VGLL4: variants seen among roughly 807,000 people sequenced by gnomAD.
VGLL4 encodes the protein transcription cofactor vestigial-like protein 4.
VGLL4 carries 7 observed loss-of-function variants against 21.0 expected under a neutral mutation model. The ratio of observed to expected loss-of-function variants is 0.33; its 90% CI spans 0.19 to 0.63. The LOEUF (loss-of-function observed/expected upper bound fraction) is 0.63, where lower values mean the gene tolerates loss of function less well. Ranked by LOEUF, VGLL4 falls within the 20% of genes least tolerant of loss-of-function variation. The pLI is 0.78. For missense variants in VGLL4, 394 were observed against 425.7 expected (o/e 0.93, Z 0.66); for synonymous variants, 222 against 173.2 (o/e 1.28, Z -2.21).
intron 2 of VGLL4, chr3:11,671,402 C>T (rs2076213992): frequency 1.2e-6 from 1 of 842,022 alleles, no homozygotes; most frequent in Non-Finnish European, 2.0e-6. Context: ...ACGCTGTGGG[C>T]CACATGTAAG....
At chr3:11,602,248 T>C (rs888336220) in intron 1 of VGLL4, among the ~76,000 whole-genome samples, 4 of 152,172 alleles carry the variant, frequency 2.6e-5, no homozygotes, top group African/African-American at 7.2e-5. Flanking sequence ...AGTCACTCTT[T>C]AGGGTAGAGT....
intron 1 of VGLL4, chr3:11,626,256 T>C: frequency 2.4e-6 from 1 of 423,214 alleles, no homozygotes. Context: ...CTGAATCAAA[T>C]ACGGAAAGGA....
At chr3:11,704,265 C>T (rs1319304235) in intron 1 of VGLL4, among the ~76,000 whole-genome samples, 1 of 151,274 alleles carries the variant, frequency 6.6e-6, no homozygotes, top group East Asian at 1.9e-4. Flanking sequence ...TGCTTGTAAT[C>T]CCAGCTACTC....
intron 3 of VGLL4, among the ~76,000 whole-genome samples, chr3:11,561,728 T>TA (rs2073024508): frequency 6.6e-6 from 1 of 151,966 alleles, no homozygotes; most frequent in Admixed American, 6.5e-5. Context: ...TGTTGGAAGT[T>TA]ACGCTGCGGA....
At chr3:11,659,997 T>C (rs941279632) in intron 2 of VGLL4, among the ~76,000 whole-genome samples, 1 of 151,894 alleles carries the variant, frequency 6.6e-6, no homozygotes, top group African/African-American at 2.4e-5. Flanking sequence ...CTGTCTCTAC[T>C]AAAAAATATA....
intron 2 of VGLL4, among the ~76,000 whole-genome samples, chr3:11,679,280 C>A (rs2076337683): frequency 6.6e-6 from 1 of 151,854 alleles, no homozygotes; most frequent in African/African-American, 2.4e-5. Flanking sequence ...AGGTGCAAGA[C>A]AGTGATATTG....
chr3:11,659,326 C>CTTTTTTTTTTTTTTTTT (rs5846714), intron 2 of VGLL4, among the ~76,000 whole-genome samples: 7 of 70,820 alleles, frequency 9.9e-5, no homozygotes, highest in African/African-American at 1.1e-4. Flanking sequence ...TTTTCTTTTT[C>CTTTTTTTTTTTTTTTTT]TTTTTTTTTT....
chr3:11,711,144 C>A (rs902059412), intron 1 of VGLL4, among the ~76,000 whole-genome samples: 4 of 151,962 alleles, frequency 2.6e-5, no homozygotes, highest in Non-Finnish European at 5.9e-5. Context: ...ATGGCTCATG[C>A]CTGTAATTCC....
chr3:11,707,619 G>A (rs1474703424), intron 1 of VGLL4, among the ~76,000 whole-genome samples: 1 of 152,072 alleles, frequency 6.6e-6, no homozygotes, highest in African/African-American at 2.4e-5. Context: ...AGAGGCCAAG[G>A]CAGGAGGATC....
At chr3:11,611,137 G>C (rs1277749242) in intron 1 of VGLL4, among the ~76,000 whole-genome samples, 1 of 151,954 alleles carries the variant, frequency 6.6e-6, no homozygotes, top group East Asian at 1.9e-4. Flanking sequence ...GAGAAGAGAG[G>C]GGGAGGGGGC....
intron 1 of VGLL4, among the ~76,000 whole-genome samples, chr3:11,627,836 T>C (rs2075387796): frequency 6.6e-6 from 1 of 152,102 alleles, no homozygotes; most frequent in African/African-American, 2.4e-5. Flanking sequence ...TATAAACATA[T>C]CACACATTGA....
chr3:11,627,086 T>C (rs1409186137), intron 1 of VGLL4, among the ~76,000 whole-genome samples: 1 of 152,018 alleles, frequency 6.6e-6, no homozygotes, highest in Non-Finnish European at 1.5e-5. Flanking sequence ...TAAAAGACAC[T>C]TGCAAACTCC....
At chr3:11,574,783 A>ATATG (rs1553723601) in intron 2 of VGLL4, among the ~76,000 whole-genome samples, 5 of 111,782 alleles carry the variant, frequency 4.5e-5, no homozygotes, top group African/African-American at 1.6e-4. Flanking sequence ...ATTCAACTAT[A>ATATG]TATGTGTGTG....
At chr3:11,614,500 C>T (rs1021764072) in intron 1 of VGLL4, among the ~76,000 whole-genome samples, 2 of 152,316 alleles carry the variant, frequency 1.3e-5, no homozygotes, top group African/African-American at 4.8e-5. Flanking sequence ...ATAGGCCCCC[C>T]GATTCTGATC....
Position 11,568,689 on chromosome 3 carries a change from G to C in VGLL4, c.273-3670C>G. Reference sequence around the variant, plus strand: ...CGCTCGCCCGGATGAATCACCTCCCGGCCACTGCTTCCCAGGCGTCATGTG... The same window carrying C: ...CGCTCGCCCGGATGAATCACCTCCCCGCCACTGCTTCCCAGGCGTCATGTG... On this transcript the variant is annotated intron_variant, in intron 2 of 4. Coordinates refer to ENST00000430365, the MANE Select transcript of VGLL4 (RefSeq NM_001128219.3). The surrounding 1 kb of genome is among the most constrained non-coding windows in gnomAD (Gnocchi z 5.9). 1 of 1,551,656 alleles carries C rather than the reference G, an allele frequency of 6.4e-7. No homozygotes were observed. Among genetic ancestry groups the C allele is most frequent in the Non-Finnish European group, 8.7e-7 (1 of 1,147,142 alleles).
intron 1 of VGLL4, among the ~76,000 whole-genome samples, chr3:11,621,146 TAA>T (rs1476104352): frequency 3.9e-5 from 6 of 152,250 alleles, no homozygotes; most frequent in Non-Finnish European, 4.4e-5. Flanking sequence ...TTCTCCACAT[TAA>T]GTCTCCAACT....
At chr3:11,611,463 G>A (rs1280220029) in intron 1 of VGLL4, 1 of 152,120 alleles carries the variant, frequency 6.6e-6, no homozygotes, top group Non-Finnish European at 1.5e-5. Flanking sequence ...CAGCCTCCAG[G>A]ACCAATGAGT....
At chr3:11,632,481 C>T (rs1392112451) in intron 1 of VGLL4, among the ~76,000 whole-genome samples, 3 of 152,098 alleles carry the variant, frequency 2.0e-5, no homozygotes, top group African/African-American at 7.2e-5. Flanking sequence ...TGGAGTGAGG[C>T]AGTCTGACTC....
intron 2 of VGLL4, among the ~76,000 whole-genome samples, chr3:11,697,730 C>A (rs1161440016): frequency 2.0e-5 from 3 of 152,268 alleles, no homozygotes; most frequent in Non-Finnish European, 2.9e-5. Context: ...ATATTCCATA[C>A]AAGAGGGCCA....
Sources: allele counts gnomAD v4.1 joint callset (sites outside exome capture counted in the v4.1 genomes callset), GRCh38; gene constraint gnomAD v4.1.1; non-coding constraint Gnocchi (gnomAD v3.1); transcripts MANE v1.5; gene names NCBI Gene and HGNC (gene_info 2026-07-23, HGNC 2026-07-21).